The following ST18 variants were observed in gnomAD, a reference collection of about 807,000 sequenced individuals.
ST18 encodes suppression of tumorigenicity 18 protein.
A neutral mutation model predicts 110.0 loss-of-function variants in ST18; 50 were observed. The observed-to-expected ratio is 0.45, with a 90% CI of 0.36 to 0.58. The LOEUF is 0.58. ST18 is among the 20% of genes least tolerant of loss of function. The pLI is 0.00. For missense variants in ST18, 1,306 were observed against 1,280.1 expected (o/e 1.02, Z -0.31); for synonymous variants, 461 against 452.4 (o/e 1.02, Z -0.24).
At chr8:52,327,014 C>G (rs892273696) in intron 2 of ST18, among the ~76,000 whole-genome samples, 1 of 152,210 alleles carries the variant, frequency 6.6e-6, no homozygotes, top group Non-Finnish European at 1.5e-5. Flanking sequence ...GGAGAGGGAG[C>G]CCCACAGCCT....
intron 2 of ST18, among the ~76,000 whole-genome samples, chr8:52,278,992 G>C (rs540481073): frequency 6.6e-6 from 1 of 152,224 alleles, no homozygotes; most frequent in Non-Finnish European, 1.5e-5. Context: ...GCATATGAAT[G>C]CTCAGTCTTT....
At chr8:52,371,246 A>G (rs1830174097) in intron 2 of ST18, among the ~76,000 whole-genome samples, 1 of 152,210 alleles carries the variant, frequency 6.6e-6, no homozygotes, top group South Asian at 2.1e-4. Flanking sequence ...ATAATGTAAC[A>G]TCTACTCCAT....
chr8:52,354,031 C>T (rs1457772218), intron 2 of ST18, among the ~76,000 whole-genome samples: 2 of 152,254 alleles, frequency 1.3e-5, no homozygotes, highest in African/African-American at 4.8e-5. Context: ...CAGGCCTTCA[C>T]TCTCCCAGCC....
intron 8 of ST18, among the ~76,000 whole-genome samples, chr8:52,190,994 G>A (rs1486517980): frequency 6.6e-6 from 1 of 152,186 alleles, no homozygotes; most frequent in Admixed American, 6.5e-5. Flanking sequence ...CCACTGGGAA[G>A]GAAGCATAAT....
At chr8:52,159,168 T>C in intron 14 of ST18, 59 bp from the exon 15 acceptor site, 1 of 1,500,966 alleles carries the variant, frequency 6.7e-7, no homozygotes, top group Non-Finnish European at 9.0e-7. Flanking sequence ...ATTAAACAGA[T>C]TTGTTTTTTT....
chr8:52,259,468 T>C (rs1171912339), intron 2 of ST18, among the ~76,000 whole-genome samples: 1 of 152,214 alleles, frequency 6.6e-6, no homozygotes, highest in African/African-American at 2.4e-5. Context: ...AAAGTAGTTA[T>C]ATTTATAGTC....
chr8:52,239,967 T>C (rs964929667), intron 2 of ST18, among the ~76,000 whole-genome samples: 1 of 152,054 alleles, frequency 6.6e-6, no homozygotes, highest in Non-Finnish European at 1.5e-5. Flanking sequence ...CTTATTTTTG[T>C]ATATTTTGTA....
intron 2 of ST18, among the ~76,000 whole-genome samples, chr8:52,355,962 G>A (rs1822548958): frequency 6.6e-6 from 1 of 152,164 alleles, no homozygotes; most frequent in Admixed American, 6.5e-5. Context: ...ACAGCAGCCA[G>A]GAGCAAGGGA....
chr8:52,217,055 C>T (rs2084558012), intron 6 of ST18, among the ~76,000 whole-genome samples: 1 of 152,064 alleles, frequency 6.6e-6, no homozygotes. Context: ...GTTTTCTTCC[C>T]CCTGGAAAAG....
At chr8:52,142,338 G>C (rs1237370687) in intron 17 of ST18, among the ~76,000 whole-genome samples, 1 of 152,176 alleles carries the variant, frequency 6.6e-6, no homozygotes, top group African/African-American at 2.4e-5. Flanking sequence ...ATACAGAAGA[G>C]AGGGTACAGT....
At chr8:52,240,442 G>A (rs569761411) in intron 2 of ST18, among the ~76,000 whole-genome samples, 81 of 152,152 alleles carry the variant, frequency 5.3e-4, no homozygotes, top group African/African-American at 1.8e-3. Context: ...GGCTTATAAA[G>A]GTGTCTCAAT....
chr8:52,271,360 T>C lies in ST18; in HGVS notation c.-464-41283A>G, dbSNP rs998977576. On this transcript the variant is annotated intron_variant, in intron 2 of 25. Coordinates refer to ENST00000689386, the MANE Select transcript of ST18 (RefSeq NM_001352837.2). ...AGAGACTTTTCCATTCTCTTTCCAA[T>C]AGTGAATCCATAGTGGTGTTGAATA... is the stretch of plus-strand genomic sequence containing the variant. 7.2e-5 allele frequency among the ~76,000 whole-genome samples: 11 copies of C among 152,338 alleles called. 1 individual carries two copies. The highest frequency in any genetic ancestry group is 5.8e-4 in the East Asian group (3 of 5,184).
chr8:52,288,433 C>G (rs1241626739), intron 2 of ST18, among the ~76,000 whole-genome samples: 4 of 152,148 alleles, frequency 2.6e-5, no homozygotes, highest in Admixed American at 6.5e-5. Context: ...GGGCATAGTA[C>G]TCATGCGTAT....
chr8:52,247,665 C>T (rs1258833042), intron 2 of ST18, among the ~76,000 whole-genome samples: 5 of 152,112 alleles, frequency 3.3e-5, no homozygotes, highest in Admixed American at 3.3e-4. Context: ...AGAAAGATAG[C>T]CTAATACATT....
intron 19 of ST18, among the ~76,000 whole-genome samples, chr8:52,136,350 A>G (rs1051724080): frequency 2.0e-5 from 3 of 152,258 alleles, no homozygotes; most frequent in Non-Finnish European, 4.4e-5. Flanking sequence ...TAACTATTAC[A>G]TCACACTTTT....
chr8:52,227,528 A>G (rs1021797545), intron 3 of ST18, among the ~76,000 whole-genome samples: 3 of 152,210 alleles, frequency 2.0e-5, no homozygotes, highest in African/African-American at 4.8e-5. Context: ...AATTGAAAGG[A>G]CACCAATGGT....
chr8:52,136,431 T>C (rs16917278), intron 19 of ST18, among the ~76,000 whole-genome samples, 159 bp downstream of exon 19: 33,699 of 152,128 alleles, frequency 0.22, 4,552 homozygotes, highest in African/African-American at 0.38. Flanking sequence ...TGATTTTGTT[T>C]CAGTCATCCC....
chr8:52,231,033 C>T (rs560147539), intron 2 of ST18, among the ~76,000 whole-genome samples: 2 of 152,216 alleles, frequency 1.3e-5, no homozygotes, highest in Admixed American at 6.5e-5. Flanking sequence ...TAGCATTGCT[C>T]GTACATGAAA....
intron 2 of ST18, among the ~76,000 whole-genome samples, chr8:52,317,190 T>G (rs931673295): frequency 6.6e-6 from 1 of 152,228 alleles, no homozygotes; most frequent in African/African-American, 2.4e-5. Flanking sequence ...GACTGTGACC[T>G]TATTTGAAAA....
Sources: gnomAD v4.1 joint callset for allele counts (sites outside exome capture counted in the v4.1 genomes callset) on GRCh38, gnomAD v4.1.1 for gene constraint, MANE v1.5 for transcripts, NCBI Gene and HGNC (gene_info 2026-07-23, HGNC 2026-07-21) for gene names.